C6orf89: variants seen among roughly 807,000 people sequenced by gnomAD.
C6orf89 encodes chromosome 6 open reading frame 89.
In C6orf89, 29 loss-of-function variants were observed where a neutral mutation model predicts 40.7. The observed-to-expected ratio is 0.71, with a 90% CI of 0.53 to 0.97. The LOEUF (loss-of-function observed/expected upper bound fraction) is 0.97, where lower values mean the gene tolerates loss of function less well. Ranked by LOEUF, C6orf89 falls within the 50% of genes least tolerant of loss-of-function variation. The pLI, the probability that C6orf89 is intolerant of heterozygous loss-of-function variation, is 0.00. For missense variants in C6orf89, 392 were observed against 429.1 expected (o/e 0.91, Z 0.76); for synonymous variants, 165 against 152.2 (o/e 1.08, Z -0.62).
intron 3 of C6orf89, among the ~76,000 whole-genome samples, chr6:36,900,836 C>G (rs138348353): frequency 3.8e-4 from 57 of 150,550 alleles, no homozygotes; most frequent in African/African-American, 1.3e-3. Context: ...CTGCAGCCAG[C>G]CTTTATGTAT....
At chr6:36,874,620 G>T in intron 1 of C6orf89, 1 of 1,500,198 alleles carries the variant, frequency 6.7e-7, no homozygotes, top group Non-Finnish European at 9.2e-7. Flanking sequence ...CCACGTGGAG[G>T]CCGGCCTCCC....
chr6:36,919,666 A>G lies in C6orf89; in HGVS notation c.914A>G (p.Gln305Arg). 1.2e-6 allele frequency: 2 copies of G among 1,614,084 alleles called. No individual in the cohort carries two copies. The highest frequency in any genetic ancestry group is 1.7e-6 in the Non-Finnish European group (2 of 1,179,944). The change falls in exon 8 of 9, where the codon CAG becomes CGG. Residue 305 changes from glutamine (Q) to arginine (R), a missense_variant. Transcript: ENST00000480824. ...IPPFQCRRHC[Q>R]SVAMPIEPGD... ...CCCTTCCAGTGCCGAAGACATTGTCAGTCTGTGGCCATGCCAATAGAGCCA... is the reference window on the plus strand; with the variant it reads ...CCCTTCCAGTGCCGAAGACATTGTCGGTCTGTGGCCATGCCAATAGAGCCA...
Position 36,923,757 on chromosome 6 carries a change from G to A in C6orf89, c.*316G>A. 2.7e-6 allele frequency: 1 copy of A among 372,258 alleles called. No individual in the cohort carries two copies. Among genetic ancestry groups the A allele is most frequent in the South Asian group, 2.1e-5 (1 of 46,872 alleles). 23.1% of individuals were successfully genotyped at this position (372,258 alleles called of 1,614,324 possible). On this transcript the variant is annotated 3_prime_UTR_variant, in exon 9 of 9. Coordinates refer to ENST00000480824, the MANE Select transcript of C6orf89 (RefSeq NM_001286635.2). The stretch of plus-strand genomic sequence containing the variant: ...TGCTGCCCTTCAGGCAGGAAACAGG[G>A]CTGGTGCCTTTCTTCACCTGCATGG...
Position 36,914,555 on chromosome 6 carries a change from C to T in C6orf89, c.557C>T (p.Thr186Met), listed in dbSNP as rs1040377577. ...FERLHPLVIKTGKPLLEEEIQ... is the reference protein window; with the variant it reads ...FERLHPLVIKMGKPLLEEEIQ... The stretch of plus-strand genomic sequence containing the variant: ...TGTTTTGTTTCCTGCCTTGCCAAGA[C>T]GGGAAAGCCCCTGTTGGAGGAAGAG... Residue 186 changes from threonine to methionine, a missense_variant and splice_region_variant, in exon 6 of 9, where the codon ACG becomes ATG. Transcript: ENST00000480824. 18 of 1,613,970 alleles carry T rather than the reference C, an allele frequency of 1.1e-5. No individual in the cohort carries two copies. The highest frequency in any genetic ancestry group is 6.6e-5 in the South Asian group (6 of 91,082).
chr6:36,890,376 C>A (rs995515993), intron 1 of C6orf89, among the ~76,000 whole-genome samples: 2 of 152,084 alleles, frequency 1.3e-5, no homozygotes, highest in African/African-American at 4.8e-5. Flanking sequence ...TTAGATTAAT[C>A]GCACAAGTGG....
chr6:36,891,402 A>C (rs1032719558), intron 1 of C6orf89, among the ~76,000 whole-genome samples: 15 of 152,208 alleles, frequency 9.9e-5, no homozygotes, highest in Non-Finnish European at 2.2e-4. Flanking sequence ...ATTGATGGAC[A>C]TTTGGGTTGG....
At position 36,902,196 on chromosome 6, in the gene C6orf89, A is replaced by T. The variant is rs765530481; in HGVS notation, c.190-25A>T. 2.3e-5 allele frequency: 36 copies of T among 1,599,012 alleles called. No individual in the cohort carries two copies. The South Asian group carries it at 4.0e-4, about 18-fold the overall frequency. On this transcript the variant is annotated intron_variant, in intron 3 of 8. Transcript: ENST00000480824. ...TTAAGGTATTTGTTTGCTGGGATTA[A>T]TGCCTTTTCTATCTTTCCTTGTAGG...
chr6:36,899,543 G>T lies in C6orf89; in HGVS notation c.99G>T (p.Lys33Asn), dbSNP rs374760313. The T allele has an allele frequency of 4.0e-5, 64 of 1,613,988 alleles. No homozygotes were observed. The highest frequency in any genetic ancestry group is 5.1e-5 in the Non-Finnish European group (60 of 1,180,022). Residue 33 changes from lysine (K) to asparagine (N), a missense_variant, in exon 3 of 9, where the codon AAG becomes AAT. Transcript: ENST00000480824. ...GCCATCAGTGTGGCATGTCAGAGAA[G>T]GCAATTGAAAAATTTATCAGACAGC... ...QTGHQCGMSEKAIEKFIRQLL... is the reference protein window; with the variant it reads ...QTGHQCGMSENAIEKFIRQLL...
rs1031680525 is a variant in C6orf89 at position 36,919,488 on chromosome 6, T to C, written c.826-90T>C. 4.6e-5 allele frequency: 68 copies of C among 1,470,560 alleles called. 1 individual carries two copies. In the Middle Eastern group the frequency reaches 1.7e-3, roughly 36 times the overall value. The allele number at this position is 1,470,560 out of a possible 1,614,324, so 91.1% of individuals were successfully genotyped here. A position where few individuals can be genotyped will look rare whatever the true frequency, so the allele number is the denominator to read the frequency against. On this transcript the variant is annotated intron_variant, in intron 7 of 8. Transcript: ENST00000480824. The stretch of plus-strand genomic sequence containing the variant: ...GCTTATGCTAGGAAACTCAGAGCCA[T>C]ATGTGAAAGCATTTTTATTTACTAA...
chr6:36,897,129 CAAAAA>C (rs34191608), intron 2 of C6orf89, among the ~76,000 whole-genome samples: 65 of 85,368 alleles, frequency 7.6e-4, no homozygotes, highest in African/African-American at 2.3e-3. Flanking sequence ...GACTCTGTCT[CAAAAA>C]AAAAAAAAAA....
At chr6:36,875,041 C>T in intron 1 of C6orf89, 2 of 471,520 alleles carry the variant, frequency 4.2e-6, no homozygotes, top group Non-Finnish European at 7.6e-6. Flanking sequence ...TCTGGGCGAT[C>T]TGATTGGTTC....
rs1561880722 is a variant in C6orf89 at position 36,924,423 on chromosome 6, A to G, written c.*982A>G. ...TGGTTGGGGGAGGAAATCCAGACCC[A>G]AAGTGTTTGTCAGCTGGGTGTACAA... On this transcript the variant is annotated 3_prime_UTR_variant, in exon 9 of 9. Coordinates refer to ENST00000480824, the MANE Select transcript of C6orf89 (RefSeq NM_001286635.2). 1 of 152,246 alleles carries G rather than the reference A, an allele frequency of 6.6e-6. No individual in the cohort carries two copies. Among genetic ancestry groups the G allele is most frequent in the East Asian group, 1.9e-4 (1 of 5,206 alleles). The allele number at this position is 152,246 out of a possible 1,614,324, so 9.4% of individuals were successfully genotyped here. A position where few individuals can be genotyped will look rare whatever the true frequency, so the allele number is the denominator to read the frequency against.
rs1367024465 is a variant in C6orf89 at position 36,894,032 on chromosome 6, AAAAAAAGG to A, written c.-119-465_-119-458del. On this transcript the variant is annotated intron_variant, in intron 1 of 8. Transcript: ENST00000480824. The stretch of plus-strand genomic sequence containing the variant: ...CAGCGAGACTCTGTCTCAAAAAAAA[AAAAAAAGG>A]AAAAAAAGGAAAAAAAAAAGACTTG... Among the ~76,000 whole-genome samples the A allele has an allele frequency of 2.8e-3, 422 of 151,996 alleles. 4 individuals carry two copies. The highest frequency in any genetic ancestry group is 9.5e-3 in the African/African-American group (394 of 41,418).
chr6:36,902,360 C>G lies in C6orf89; in HGVS notation c.329C>G (p.Pro110Arg). 1 of 1,614,146 alleles carries G rather than the reference C, an allele frequency of 6.2e-7. No individual in the cohort carries two copies. Among genetic ancestry groups the G allele is most frequent in the Non-Finnish European group, 8.5e-7 (1 of 1,180,042 alleles). Reference sequence around the variant, plus strand: ...CATCACATTAGGCTGATGTCCTTGCCCATTGCCAAGAAGTACATGTCAGAA... The same window carrying G: ...CATCACATTAGGCTGATGTCCTTGCGCATTGCCAAGAAGTACATGTCAGAA... ...LIHHIRLMSL[P>R]IAKKYMSENK... Residue 110 changes from proline to arginine, a missense_variant, in exon 4 of 9, where the codon CCC becomes CGC. Coordinates refer to ENST00000480824, the MANE Select transcript of C6orf89 (RefSeq NM_001286635.2).
chr6:36,918,913 T>G (rs73420361), intron 7 of C6orf89, among the ~76,000 whole-genome samples: 3,609 of 152,284 alleles, frequency 0.024, 119 homozygotes, highest in African/African-American at 0.08. Context: ...ATATGCTGAT[T>G]GTCTCCTTAG....
At chr6:36,898,479 G>A (rs1283921046) in intron 2 of C6orf89, among the ~76,000 whole-genome samples, 2 of 151,444 alleles carry the variant, frequency 1.3e-5, no homozygotes, top group African/African-American at 4.9e-5. Context: ...GGGTTTCTCC[G>A]TGTTGGTCAG....
intron 7 of C6orf89, among the ~76,000 whole-genome samples, chr6:36,917,132 T>A (rs764629028): frequency 3.9e-5 from 6 of 152,202 alleles, no homozygotes; most frequent in Non-Finnish European, 5.9e-5. Context: ...ATAAGGAAAC[T>A]GAGTCCCAGA....
intron 4 of C6orf89, among the ~76,000 whole-genome samples, chr6:36,906,118 G>A (rs889506599): frequency 3.3e-5 from 5 of 152,188 alleles, no homozygotes; most frequent in Non-Finnish European, 5.9e-5. Context: ...TTTGGAACTC[G>A]ATGCATCCCG....
At chr6:36,897,349 C>T (rs570652398) in intron 2 of C6orf89, among the ~76,000 whole-genome samples, 2 of 152,086 alleles carry the variant, frequency 1.3e-5, no homozygotes, top group African/African-American at 4.8e-5. Context: ...CCTGTTTATA[C>T]AAAAAATCAT....
Sources: gnomAD v4.1 joint callset for allele counts (sites outside exome capture counted in the v4.1 genomes callset) on GRCh38, gnomAD v4.1.1 for gene constraint, MANE v1.5 for transcripts, NCBI Gene and HGNC (gene_info 2026-07-23, HGNC 2026-07-21) for gene names.